PCSK2: variants seen among roughly 807,000 people sequenced by gnomAD.
PCSK2 encodes the protein neuroendocrine convertase 2.
PCSK2 carries 14 observed loss-of-function variants against 69.7 expected under a neutral mutation model. That is an observed-to-expected ratio of 0.20 (90% CI 0.13 to 0.31). The LOEUF is 0.31. Ranked by LOEUF, PCSK2 falls within the 10% of genes least tolerant of loss-of-function variation. The pLI is 1.00. For synonymous variants in PCSK2, 307 were observed against 320.7 expected (o/e 0.96, Z 0.46); for missense variants, 544 against 842.5 (o/e 0.65, Z 4.39).
intron 10 of PCSK2, among the ~76,000 whole-genome samples, chr20:17,459,121 C>T (rs559232649): frequency 6.6e-6 from 1 of 152,016 alleles, no homozygotes; most frequent in African/African-American, 2.4e-5. Context: ...AACTCTTTAG[C>T]GAGTATAGTA....
At chr20:17,257,927 C>A (rs1987237772) in intron 1 of PCSK2, among the ~76,000 whole-genome samples, 1 of 152,128 alleles carries the variant, frequency 6.6e-6, no homozygotes, top group Admixed American at 6.5e-5. Context: ...CTTTTATTTG[C>A]CCCAGTTCAT....
intron 2 of PCSK2, among the ~76,000 whole-genome samples, chr20:17,278,192 C>A (rs1448403601): frequency 6.6e-6 from 1 of 152,154 alleles, no homozygotes; most frequent in African/African-American, 2.4e-5. Context: ...ACTAGAAGTA[C>A]CATTTGACCC....
At chr20:17,268,112 T>C (rs1029468154) in intron 2 of PCSK2, among the ~76,000 whole-genome samples, 1 of 149,408 alleles carries the variant, frequency 6.7e-6, no homozygotes, top group Non-Finnish European at 1.5e-5. Flanking sequence ...ATTATATGTG[T>C]ATGCTTATTA....
chr20:17,393,794 A>G (rs2031444233), intron 5 of PCSK2, among the ~76,000 whole-genome samples: 1 of 152,222 alleles, frequency 6.6e-6, no homozygotes, highest in African/African-American at 2.4e-5. Context: ...TGTGTAAATA[A>G]TGCTGCTTAC....
At chr20:17,321,315 C>CAGA (rs1361469719) in intron 2 of PCSK2, among the ~76,000 whole-genome samples, 1 of 152,204 alleles carries the variant, frequency 6.6e-6, no homozygotes, top group East Asian at 1.9e-4. Context: ...ATTGCAGTGA[C>CAGA]AGAAGTATGT....
intron 5 of PCSK2, among the ~76,000 whole-genome samples, chr20:17,379,927 T>C (rs2031041804): frequency 6.6e-6 from 1 of 152,222 alleles, no homozygotes; most frequent in Non-Finnish European, 1.5e-5. Flanking sequence ...TTTCACCTGT[T>C]GGCCTTGAAG....
At chr20:17,452,910 G>T (rs1283280609) in intron 8 of PCSK2, among the ~76,000 whole-genome samples, 1 of 152,248 alleles carries the variant, frequency 6.6e-6, no homozygotes, top group East Asian at 1.9e-4. Flanking sequence ...CATGCTAACT[G>T]TAGGGACTTA....
chr20:17,346,409 A>G (rs1456549029), intron 2 of PCSK2, among the ~76,000 whole-genome samples: 2 of 152,064 alleles, frequency 1.3e-5, no homozygotes. Flanking sequence ...TCTCCCCACC[A>G]TCCTTCTGTT....
chr20:17,395,924 T>C (rs534972807), intron 5 of PCSK2, among the ~76,000 whole-genome samples: 13 of 152,246 alleles, frequency 8.5e-5, no homozygotes, highest in Admixed American at 2.0e-4. Context: ...GTGTAATCAG[T>C]CTCAGGGGGA....
chr20:17,362,523 AAAAG>A (rs1600522218), intron 4 of PCSK2, among the ~76,000 whole-genome samples: 1 of 152,328 alleles, frequency 6.6e-6, no homozygotes, highest in East Asian at 1.9e-4. Context: ...TGGGAGGCTG[AAAAG>A]GCTCAGCCTC....
At chr20:17,347,884 GAA>G (rs1568612267) in intron 2 of PCSK2, among the ~76,000 whole-genome samples, 2 of 3,208 alleles carry the variant, frequency 6.2e-4, no homozygotes, top group Non-Finnish European at 2.2e-3. Context: ...AAGAAAGAAA[GAA>G]AGAAAGAAAG....
intron 5 of PCSK2, among the ~76,000 whole-genome samples, chr20:17,376,360 T>G (rs1031122193): frequency 2.6e-5 from 4 of 152,244 alleles, no homozygotes; most frequent in Non-Finnish European, 5.9e-5. Flanking sequence ...TGCTGTTATA[T>G]GCTGCTGACA....
intron 1 of PCSK2, among the ~76,000 whole-genome samples, chr20:17,252,263 C>T (rs1382089428): frequency 2.0e-5 from 3 of 152,112 alleles, no homozygotes; most frequent in Non-Finnish European, 2.9e-5. Context: ...AAAATTAAAA[C>T]ACTAGAAAAA....
At chr20:17,410,509 A>G (rs1444795160) in intron 6 of PCSK2, among the ~76,000 whole-genome samples, 8 of 152,220 alleles carry the variant, frequency 5.3e-5, no homozygotes, top group African/African-American at 7.2e-5. Flanking sequence ...ATAAGAAAAA[A>G]GAAAATGAAA....
intron 2 of PCSK2, among the ~76,000 whole-genome samples, chr20:17,319,146 C>G (rs1989787118): frequency 6.6e-6 from 1 of 151,996 alleles, no homozygotes; most frequent in South Asian, 2.1e-4. Flanking sequence ...TACCTGGGCT[C>G]CTATAATTCC....
intron 2 of PCSK2, among the ~76,000 whole-genome samples, chr20:17,294,990 T>C (rs1600459769): frequency 6.6e-6 from 1 of 152,168 alleles, no homozygotes; most frequent in Non-Finnish European, 1.5e-5. Flanking sequence ...ATTTATTAGT[T>C]TGGTGTTTAG....
At chr20:17,261,036 C>G (rs895912540) in intron 2 of PCSK2, among the ~76,000 whole-genome samples, 23 of 152,288 alleles carry the variant, frequency 1.5e-4, no homozygotes, top group Non-Finnish European at 2.6e-4. Flanking sequence ...AACATATCAT[C>G]TTAGCAACAA....
chr20:17,282,745 G>A (rs575593067), intron 2 of PCSK2, among the ~76,000 whole-genome samples: 40 of 149,924 alleles, frequency 2.7e-4, no homozygotes, highest in African/African-American at 5.4e-4. Context: ...GGGCACACAC[G>A]CTGTGAAAAA....
At chr20:17,474,752 C>A (rs949285348) in intron 11 of PCSK2, among the ~76,000 whole-genome samples, 5 of 152,160 alleles carry the variant, frequency 3.3e-5, no homozygotes, top group Non-Finnish European at 7.3e-5. Flanking sequence ...GCTCCTCTGC[C>A]ATGCCCTTAA....
Sources: gnomAD v4.1 joint callset for allele counts (sites outside exome capture counted in the v4.1 genomes callset) on GRCh38, gnomAD v4.1.1 for gene constraint, MANE v1.5 for transcripts, NCBI Gene and HGNC (gene_info 2026-07-23, HGNC 2026-07-21) for gene names.